UEVLD: variants seen among roughly 807,000 people sequenced by gnomAD.
UEVLD encodes the protein UEV and lactate/malate dehyrogenase domains.
In UEVLD, 47 loss-of-function variants were observed where a neutral mutation model predicts 58.6. That is an observed-to-expected ratio of 0.80 (90% CI 0.63 to 1.02). UEVLD has a LOEUF of 1.02. Ranked by LOEUF, UEVLD falls within the 50% of genes least tolerant of loss-of-function variation. The probability of loss-of-function intolerance (pLI) is 0.00; values close to 1 mark genes in which losing one functional copy is unlikely to be tolerated. For missense variants in UEVLD, 510 were observed against 550.6 expected, an observed-to-expected ratio of 0.93 and a Z score of 0.74; for synonymous variants, 197 against 195.3, an observed-to-expected ratio of 1.01 and a Z score of -0.07.
In UEVLD at chr11:18,582,624, C is replaced by G. The variant is rs1045322994; in HGVS notation, c.43-3816G>C. On this transcript the variant is annotated intron_variant, in intron 1 of 11. Coordinates refer to ENST00000396197, the MANE Select transcript of UEVLD (RefSeq NM_001040697.4). ...GGCTGGGATTACAGGTGTGAGCCAC[C>G]ACACCCAGCCTTATTTTCACTACAT... Among the ~76,000 whole-genome samples the G allele has an allele frequency of 5.9e-5, 9 of 151,976 alleles. No homozygotes were observed. The East Asian group carries it at 7.8e-4, about 13-fold the overall frequency.
Position 18,570,395 on chromosome 11 carries a change from A to C in UEVLD, c.194-18T>G. Reference sequence around the variant, plus strand: ...TGTATTACCTATTTGAGACAAAAGAAACATATCTTCAAACAATAATAAAGC... The same window carrying C: ...TGTATTACCTATTTGAGACAAAAGACACATATCTTCAAACAATAATAAAGC... On this transcript the variant is annotated intron_variant, in intron 3 of 11. Transcript: ENST00000396197. 1 of 1,504,838 alleles carries C rather than the reference A, an allele frequency of 6.6e-7. No individual in the cohort carries two copies. Among genetic ancestry groups the C allele is most frequent in the Non-Finnish European group, 8.8e-7 (1 of 1,132,236 alleles). The allele number at this position is 1,504,838 out of a possible 1,614,324, so 93.2% of individuals were successfully genotyped here. A position where few individuals can be genotyped will look rare whatever the true frequency, so the allele number is the denominator to read the frequency against.
At chr11:18,570,531 A>G (rs940777251) in intron 3 of UEVLD, 154 bp from the exon 4 acceptor site, 1 of 611,400 alleles carries the variant, frequency 1.6e-6, no homozygotes, top group Non-Finnish European at 2.5e-6. Context: ...AGATTGCATG[A>G]GCCCAGGAGT....
At chr11:18,571,392 G>A (rs1171003250) in intron 3 of UEVLD, among the ~76,000 whole-genome samples, 1 of 152,076 alleles carries the variant, frequency 6.6e-6, no homozygotes, top group African/African-American at 2.4e-5. Flanking sequence ...GTATTCCCCT[G>A]GTTGATCAAG....
rs1453745166 is a variant in UEVLD at position 18,530,278 on chromosome 11, A to C, written c.*2042T>G. 1 of 152,242 alleles carries C rather than the reference A, an allele frequency of 6.6e-6. No homozygotes were observed. Among genetic ancestry groups the C allele is most frequent in the Middle Eastern group, 3.2e-3 (1 of 316 alleles). 9.4% of individuals were successfully genotyped at this position (152,242 alleles called of 1,614,324 possible). ...ACTAATTCACGTGCATATTGAAATT[A>C]GATAGAACTAAATGCTTTTCTCTTC... On this transcript the variant is annotated 3_prime_UTR_variant, in exon 12 of 12. Coordinates refer to ENST00000396197, the MANE Select transcript of UEVLD (RefSeq NM_001040697.4).
intron 6 of UEVLD, among the ~76,000 whole-genome samples, chr11:18,560,138 C>CAG (rs112126418): frequency 0.068 from 4,962 of 73,224 alleles, 565 homozygotes; most frequent in South Asian, 0.079. Flanking sequence ...CACACACACA[C>CAG]AGAGAGAGAA....
At chr11:18,544,543 A>G in intron 9 of UEVLD, 80 bp downstream of exon 9, 3 of 1,473,080 alleles carry the variant, frequency 2.0e-6, no homozygotes, top group Non-Finnish European at 2.7e-6. Context: ...CCTGGCTTCA[A>G]GCAATCCTGC....
chr11:18,541,446 G>T (rs1171364399), intron 9 of UEVLD, among the ~76,000 whole-genome samples: 2 of 152,172 alleles, frequency 1.3e-5, no homozygotes. Flanking sequence ...TAGGAAGAAG[G>T]ATTGAGTGTC....
Position 18,532,404 on chromosome 11 carries a change from G to T in UEVLD, c.1332C>A (p.Thr444=). The change falls in exon 12 of 12, where the codon ACC becomes ACA. Residue 444 remains threonine (T), a synonymous_variant. Coordinates refer to ENST00000396197, the MANE Select transcript of UEVLD (RefSeq NM_001040697.4). The part of the protein sequence containing the change: ...GTNGVSEVIK[T]TLKEDTVTEK... The stretch of plus-strand genomic sequence containing the variant: ...CAGTAACTGTATCTTCTTTCAGTGT[G>T]GTTTTGATAACTTCAGATACTCCAT... 6.2e-7 allele frequency: 1 copy of T among 1,613,346 alleles called. No homozygotes were observed. Among genetic ancestry groups the T allele is most frequent in the South Asian group, 1.1e-5 (1 of 90,992 alleles).
intron 9 of UEVLD, 68 bp downstream of exon 9, chr11:18,544,555 T>C: frequency 6.6e-7 from 1 of 1,526,096 alleles, no homozygotes; most frequent in South Asian, 1.3e-5. Context: ...CAATCCTGCC[T>C]TGGCCTCCCA....
intron 1 of UEVLD, 44 bp from the exon 2 acceptor site, chr11:18,578,852 G>A (rs775344931): frequency 7.1e-7 from 1 of 1,417,762 alleles, no homozygotes; most frequent in South Asian, 1.2e-5. Flanking sequence ...AAAGCTGTAA[G>A]CAAAAGAACA....
At chr11:18,578,906 T>G (rs1853084474) in intron 1 of UEVLD, 98 bp from the exon 2 acceptor site, 1 of 777,872 alleles carries the variant, frequency 1.3e-6, no homozygotes, top group Non-Finnish European at 2.0e-6. Context: ...CTCACTCTGT[T>G]GCCCAGGCTG....
At chr11:18,578,874 C>CTTT in intron 1 of UEVLD, 66 bp from the exon 2 acceptor site, 17 of 1,011,496 alleles carry the variant, frequency 1.7e-5, no homozygotes, top group Non-Finnish European at 1.8e-5. Context: ...TTGCAGTTAA[C>CTTT]TTTTTTTTTT....
intron 3 of UEVLD, 74 bp downstream of exon 3, chr11:18,575,273 C>A: frequency 6.8e-7 from 1 of 1,472,478 alleles, no homozygotes; most frequent in Admixed American, 2.1e-5. Flanking sequence ...AATGTTATGG[C>A]ATAAACAAAT....
chr11:18,536,486 A>T lies in UEVLD; in HGVS notation c.1061-17T>A. The T allele has an allele frequency of 6.2e-7, 1 of 1,608,470 alleles. No homozygotes were observed. Among genetic ancestry groups the T allele is most frequent in the Non-Finnish European group, 8.5e-7 (1 of 1,175,098 alleles). Reference sequence around the variant, plus strand: ...ATGTGAGCACTAAAATTAGATGAAGAATTAATTATGTTTTGCCAGTGACTC... The same window carrying T: ...ATGTGAGCACTAAAATTAGATGAAGTATTAATTATGTTTTGCCAGTGACTC... On this transcript the variant is annotated splice_polypyrimidine_tract_variant and intron_variant, in intron 9 of 11. Coordinates refer to ENST00000396197, the MANE Select transcript of UEVLD (RefSeq NM_001040697.4).
Position 18,530,237 on chromosome 11 carries a change from T to C in UEVLD, c.*2083A>G, listed in dbSNP as rs529768785. The C allele has an allele frequency of 2.6e-5, 4 of 152,346 alleles. No homozygotes were observed. The East Asian group carries it at 7.7e-4, about 29-fold the overall frequency. The allele number at this position is 152,346 out of a possible 1,614,324, so 9.4% of individuals were successfully genotyped here. On this transcript the variant is annotated 3_prime_UTR_variant, in exon 12 of 12. Coordinates refer to ENST00000396197, the MANE Select transcript of UEVLD (RefSeq NM_001040697.4). ...ATAAAAAAGGACAGTAAGAATACAT[T>C]GTTAGAGTAACATGAACTAATTCAC...
intron 2 of UEVLD, among the ~76,000 whole-genome samples, chr11:18,575,845 A>G (rs1361213474): frequency 2.0e-5 from 2 of 101,396 alleles, no homozygotes; most frequent in East Asian, 1.1e-3. Flanking sequence ...ATAATTGTCA[A>G]TGTCAGTTGC....
At chr11:18,574,306 T>A (rs1852787887) in intron 3 of UEVLD, among the ~76,000 whole-genome samples, 1 of 152,096 alleles carries the variant, frequency 6.6e-6, no homozygotes, top group Non-Finnish European at 1.5e-5. Flanking sequence ...CAGGCCTAAT[T>A]TTTGTATTTT....
intron 7 of UEVLD, among the ~76,000 whole-genome samples, chr11:18,551,104 A>G (rs1029166107): frequency 3.9e-5 from 6 of 152,228 alleles, no homozygotes; most frequent in Middle Eastern, 3.2e-3. Context: ...AACTTTAAGC[A>G]TGATTATTAA....
intron 6 of UEVLD, chr11:18,563,711 G>A: frequency 1.0e-6 from 1 of 985,266 alleles, no homozygotes; most frequent in South Asian, 4.7e-5. Flanking sequence ...TTCTAATTAA[G>A]AGGTAATAGC....
Sources: allele counts gnomAD v4.1 joint callset (sites outside exome capture counted in the v4.1 genomes callset), GRCh38; gene constraint gnomAD v4.1.1; transcripts MANE v1.5; gene names NCBI Gene and HGNC (gene_info 2026-07-23, HGNC 2026-07-21).